The following GALNT13 variants were observed in gnomAD, a reference collection of about 807,000 sequenced individuals.
The protein encoded by GALNT13 is UDP-GalNAc:polypeptide N-acetylgalactosaminyltransferase 13.
In GALNT13, 28 loss-of-function variants were observed where a neutral mutation model predicts 64.2. The ratio of observed to expected loss-of-function variants is 0.44; its 90% CI spans 0.32 to 0.60. GALNT13 has a LOEUF of 0.60. Ranked by LOEUF, GALNT13 falls within the 20% of genes least tolerant of loss-of-function variation. The pLI is 0.05. For missense variants in GALNT13, 577 were observed against 669.8 expected (o/e 0.86, Z 1.53); for synonymous variants, 214 against 224.6 (o/e 0.95, Z 0.42).
the GALNT13 span, among the ~76,000 whole-genome samples, chr2:153,090,314 C>T: frequency 6.9e-3 from 1,049 of 152,308 alleles, 11 homozygotes; most frequent in African/African-American, 0.024. Context: ...TCAAGTCTCC[C>T]CACTGTGGCT....
intron 3 of GALNT13, among the ~76,000 whole-genome samples, chr2:154,020,374 T>C (rs1697361549): frequency 6.6e-6 from 1 of 152,226 alleles, no homozygotes; most frequent in Non-Finnish European, 1.5e-5. Flanking sequence ...GTTTCCTGAC[T>C]TTTTAATGAT....
intron 9 of GALNT13, among the ~76,000 whole-genome samples, chr2:154,369,110 AT>A (rs563138876): frequency 4.1e-4 from 62 of 152,134 alleles, no homozygotes; most frequent in African/African-American, 1.5e-3. Flanking sequence ...TGGAAAAAAA[AT>A]GTTTCAAATA....
chr2:153,530,253 GA>G, the GALNT13 span, among the ~76,000 whole-genome samples: 680 of 144,602 alleles, frequency 4.7e-3, 7 homozygotes, highest in African/African-American at 0.014. Context: ...AGGTGAAAAA[GA>G]AAAAAAAAAT....
At chr2:153,180,886 G>A in the GALNT13 span, among the ~76,000 whole-genome samples, 6 of 151,448 alleles carry the variant, frequency 4.0e-5, no homozygotes, top group Non-Finnish European at 8.8e-5. Context: ...CAGTTGTAAT[G>A]TCTCCTTTTT....
At chr2:153,121,619 C>T in the GALNT13 span, among the ~76,000 whole-genome samples, 5 of 152,200 alleles carry the variant, frequency 3.3e-5, no homozygotes, top group Admixed American at 2.0e-4. Context: ...GCAACCTCCG[C>T]TGCCTGGGTT....
intron 3 of GALNT13, among the ~76,000 whole-genome samples, chr2:154,076,390 A>C (rs1328439080): frequency 2.0e-5 from 3 of 151,704 alleles, no homozygotes; most frequent in Non-Finnish European, 4.4e-5. Context: ...TTGCACAAAG[A>C]GGGTGGCAAA....
At chr2:154,099,965 G>A (rs886365232) in intron 3 of GALNT13, among the ~76,000 whole-genome samples, 4 of 152,022 alleles carry the variant, frequency 2.6e-5, no homozygotes, top group African/African-American at 9.7e-5. Context: ...ATTGAGAAGG[G>A]AGTTTTTGCC....
chr2:153,812,813 T>C, the GALNT13 span, among the ~76,000 whole-genome samples: 3 of 152,188 alleles, frequency 2.0e-5, no homozygotes, highest in Admixed American at 2.0e-4. Context: ...CTGCTTTCCC[T>C]ATGCGCACAA....
intron 4 of GALNT13, among the ~76,000 whole-genome samples, chr2:154,169,740 T>C (rs907497879): frequency 6.6e-6 from 1 of 152,172 alleles, no homozygotes; most frequent in Admixed American, 6.5e-5. Context: ...GTAAGTTTGG[T>C]AATAAGTTAC....
chr2:153,616,576 A>C, the GALNT13 span, among the ~76,000 whole-genome samples: 1 of 151,488 alleles, frequency 6.6e-6, no homozygotes, highest in South Asian at 2.1e-4. Context: ...ATATTTTCCC[A>C]TTTTTTTTGT....
At chr2:154,381,023 A>G (rs904734197) in intron 9 of GALNT13, among the ~76,000 whole-genome samples, 1 of 152,010 alleles carries the variant, frequency 6.6e-6, no homozygotes, top group Non-Finnish European at 1.5e-5. Flanking sequence ...TGCTAACAAG[A>G]TGTAATATAA....
At chr2:153,483,410 C>CTTTTTTTT in the GALNT13 span, among the ~76,000 whole-genome samples, 4 of 71,776 alleles carry the variant, frequency 5.6e-5, no homozygotes, top group South Asian at 5.1e-4. Context: ...GAATAAAATT[C>CTTTTTTTT]TTTTTTTTTT....
chr2:154,326,168 A>G (rs983218213), intron 9 of GALNT13, among the ~76,000 whole-genome samples: 1 of 152,088 alleles, frequency 6.6e-6, no homozygotes, highest in African/African-American at 2.4e-5. Context: ...TCTGATAAAA[A>G]TTGCTTGTTC....
chr2:153,480,149 G>T, the GALNT13 span, among the ~76,000 whole-genome samples: 1 of 152,138 alleles, frequency 6.6e-6, no homozygotes, highest in Non-Finnish European at 1.5e-5. Flanking sequence ...ATGTACAGTT[G>T]TCAATTAAAA....
intron 4 of GALNT13, among the ~76,000 whole-genome samples, chr2:154,143,191 A>G (rs1386100831): frequency 6.6e-6 from 1 of 152,138 alleles, no homozygotes; most frequent in East Asian, 1.9e-4. Flanking sequence ...GATCCTTCGC[A>G]TGCGCAGTTC....
intron 8 of GALNT13, among the ~76,000 whole-genome samples, chr2:154,260,531 T>G (rs1421317053): frequency 6.6e-6 from 1 of 152,142 alleles, no homozygotes; most frequent in African/African-American, 2.4e-5. Flanking sequence ...TAATGGAATT[T>G]TATTATTTTT....
rs140065063 is a variant in GALNT13, at chr2:154,249,580, C to T, written c.857+3598C>T. ...ATAGATTTTTTAAATGAAAAACCTA[C>T]TGGTAATTTCCAAGTGAATTTAACT... On this transcript the variant is annotated intron_variant, in intron 7 of 12. Coordinates refer to ENST00000392825, the MANE Select transcript of GALNT13 (RefSeq NM_052917.4). Among the ~76,000 whole-genome samples the T allele has an allele frequency of 4.6e-5, 7 of 152,250 alleles. No homozygotes were observed. In the East Asian group the frequency reaches 7.7e-4, roughly 17 times the overall value.
intron 3 of GALNT13, among the ~76,000 whole-genome samples, chr2:153,985,563 A>G (rs1366848880): frequency 1.3e-5 from 2 of 152,042 alleles, no homozygotes; most frequent in Admixed American, 1.3e-4. Context: ...AGTACCCGGC[A>G]TAATAGTTAC....
the GALNT13 span, among the ~76,000 whole-genome samples, chr2:153,350,231 T>A: frequency 6.6e-6 from 1 of 152,174 alleles, no homozygotes; most frequent in African/African-American, 2.4e-5. Context: ...AATTAGAAGA[T>A]ACGTAAAATC....
Sources: allele counts gnomAD v4.1 joint callset (sites outside exome capture counted in the v4.1 genomes callset), GRCh38; gene constraint gnomAD v4.1.1; transcripts MANE v1.5; gene names NCBI Gene and HGNC (gene_info 2026-07-23, HGNC 2026-07-21).